Variants in INPP5A observed in about 807,000 individuals in gnomAD.
INPP5A encodes 43 kDa inositol polyphosphate 5-phophatase.
In INPP5A, 14 loss-of-function variants were observed where a neutral mutation model predicts 65.2. That is an observed-to-expected ratio of 0.21 (90% CI 0.14 to 0.34). INPP5A has a LOEUF of 0.34. Among genes scored for constraint, INPP5A ranks in the 10% least tolerant of loss-of-function variants. The pLI is 1.00. For synonymous variants in INPP5A, 207 were observed against 208.3 expected, an observed-to-expected ratio of 0.99 and a Z score of 0.05; for missense variants, 431 against 545.6, an observed-to-expected ratio of 0.79 and a Z score of 2.09.
At position 132,650,333 on chromosome 10, in the gene INPP5A, A is replaced by T; in HGVS notation, c.219-85A>T. The T allele has an allele frequency of 1.2e-6, 1 of 865,334 alleles. No individual in the cohort carries two copies. The highest frequency in any genetic ancestry group is 2.0e-6 in the Non-Finnish European group (1 of 507,664). 53.6% of individuals were successfully genotyped at this position (865,334 alleles called of 1,614,324 possible). ...TCACGGTGATGTACCTATGTGCTGG[A>T]GCCCCTCTTATACCTTGTGGTCATC... On this transcript the variant is annotated intron_variant, in intron 3 of 15. Coordinates refer to ENST00000368594, the MANE Select transcript of INPP5A (RefSeq NM_005539.5). The surrounding 1 kb of genome is among the most constrained non-coding windows in gnomAD (Gnocchi z 5.5).
At chr10:132,572,305 C>T (rs190938155) in intron 1 of INPP5A, among the ~76,000 whole-genome samples, 1 of 152,326 alleles carries the variant, frequency 6.6e-6, no homozygotes, top group African/African-American at 2.4e-5. Context: ...CAAGATGCCC[C>T]TGGTGGCAAG....
At position 132,537,788 on chromosome 10, in the gene INPP5A, C is replaced by T. The variant is rs1475219497; in HGVS notation, c.-309C>T. ...CCGGGCTCGGCTCCGCGGGGCGGGACTTGCCCTCAGCCTGAGTCGGCGGCG... is the reference window on the plus strand; with the variant it reads ...CCGGGCTCGGCTCCGCGGGGCGGGATTTGCCCTCAGCCTGAGTCGGCGGCG... On this transcript the variant is annotated 5_prime_UTR_variant, in exon 1 of 16. Transcript: ENST00000368594. 8.2e-6 allele frequency: 3 copies of T among 365,562 alleles called. No homozygotes were observed. The highest frequency in any genetic ancestry group is 4.7e-5 in the Admixed American group (1 of 21,486). The allele number at this position is 365,562 out of a possible 1,614,324, so 22.6% of individuals were successfully genotyped here.
Position 132,704,026 on chromosome 10 carries a change from T to G in INPP5A, c.475-4287T>G. ...ACGGCTTCACCCCCCCACACACGCG[T>G]GGCTTCACCCCCACACACACGCAGC... On this transcript the variant is annotated intron_variant, in intron 6 of 15. Transcript: ENST00000368594. The surrounding 1 kb of genome is among the most constrained non-coding windows in gnomAD (Gnocchi z 4.5). 8.6e-6 allele frequency among the ~76,000 whole-genome samples: 1 copy of G among 115,764 alleles called. No individual in the cohort carries two copies. The allele number at this position is 115,764 out of a possible 152,430, so 75.9% of individuals were successfully genotyped here. A position where few individuals can be genotyped will look rare whatever the true frequency, so the allele number is the denominator to read the frequency against.
chr10:132,715,590 G>A (rs1001711404), intron 8 of INPP5A, among the ~76,000 whole-genome samples: 2 of 152,206 alleles, frequency 1.3e-5, no homozygotes, highest in Non-Finnish European at 2.9e-5. Flanking sequence ...GCTGTCAGCC[G>A]CTCAAAGAGC....
chr10:132,579,481 G>A (rs1373509866), intron 1 of INPP5A, among the ~76,000 whole-genome samples: 2 of 152,272 alleles, frequency 1.3e-5, no homozygotes, highest in African/African-American at 2.4e-5. Context: ...AGAGGGGGCC[G>A]GAGCCAAGGA....
chr10:132,735,555 C>T (rs1179756230), intron 9 of INPP5A, among the ~76,000 whole-genome samples: 1 of 152,242 alleles, frequency 6.6e-6, no homozygotes, highest in Non-Finnish European at 1.5e-5. Context: ...TTTGGTTTCA[C>T]TGCTGAGCTC....
intron 9 of INPP5A, among the ~76,000 whole-genome samples, chr10:132,734,420 A>G (rs560049191): frequency 6.6e-6 from 1 of 152,324 alleles, no homozygotes; most frequent in East Asian, 1.9e-4. Flanking sequence ...GCTGGGAAGT[A>G]TCAGGAGGAA....
chr10:132,678,772 A>G lies in INPP5A; in HGVS notation c.307-11620A>G, dbSNP rs2073004617. The stretch of plus-strand genomic sequence containing the variant: ...CTGGAATATGCAGCACCTTGAAGGA[A>G]AGGCTGGGGACTGGGACTGCCAAGC... On this transcript the variant is annotated intron_variant, in intron 4 of 15. Transcript: ENST00000368594. The surrounding 1 kb of genome is among the most constrained non-coding windows in gnomAD (Gnocchi z 4.1). Among the ~76,000 whole-genome samples, 1 of 152,228 alleles carries G rather than the reference A, an allele frequency of 6.6e-6. No individual in the cohort carries two copies. Among genetic ancestry groups the G allele is most frequent in the Non-Finnish European group, 1.5e-5 (1 of 68,042 alleles).
At chr10:132,539,719 G>A (rs1364486763) in intron 1 of INPP5A, among the ~76,000 whole-genome samples, 1 of 150,736 alleles carries the variant, frequency 6.6e-6, no homozygotes, top group East Asian at 1.9e-4. Flanking sequence ...GTGAACAGTG[G>A]GGCACCGCAC....
chr10:132,693,343 A>G (rs1318668858), intron 5 of INPP5A, among the ~76,000 whole-genome samples: 1 of 152,204 alleles, frequency 6.6e-6, no homozygotes, highest in Non-Finnish European at 1.5e-5. Context: ...TTTAAATGTG[A>G]ATGGTCTAAA....
rs538156567 is a variant in INPP5A at position 132,578,106 on chromosome 10, C to T, written c.76-29809C>T. On this transcript the variant is annotated intron_variant, in intron 1 of 15. Transcript: ENST00000368594. ...AAGTAAACCAGGATTCTAAAATTAA[C>T]GTGTGAGGGGAAGTTATTTCACCAT... Among the ~76,000 whole-genome samples the T allele has an allele frequency of 1.5e-4, 23 of 152,312 alleles. No individual in the cohort carries two copies. In the East Asian group the frequency reaches 3.3e-3, roughly 22 times the overall value.
At chr10:132,629,324 C>T (rs997295753) in intron 2 of INPP5A, among the ~76,000 whole-genome samples, 3 of 152,230 alleles carry the variant, frequency 2.0e-5, no homozygotes, top group Non-Finnish European at 4.4e-5. Context: ...TAGGGCAGTG[C>T]GCTGCCCGCC....
intron 6 of INPP5A, among the ~76,000 whole-genome samples, chr10:132,701,080 C>G (rs749711692): frequency 4.6e-5 from 7 of 152,164 alleles, no homozygotes; most frequent in Non-Finnish European, 8.8e-5. Flanking sequence ...GGGCCTTCGG[C>G]GTGAGGGTTG....
chr10:132,613,924 A>G (rs1205072391), intron 2 of INPP5A, among the ~76,000 whole-genome samples: 1 of 152,220 alleles, frequency 6.6e-6, no homozygotes, highest in East Asian at 1.9e-4. Flanking sequence ...ATTTTTCAAA[A>G]TAGCCTTGAA....
At chr10:132,672,736 A>G (rs2133440568) in intron 4 of INPP5A, among the ~76,000 whole-genome samples, 1 of 152,338 alleles carries the variant, frequency 6.6e-6, no homozygotes, top group Non-Finnish European at 1.5e-5. Context: ...TCATCTCTTC[A>G]AAAACGACTT....
intron 5 of INPP5A, among the ~76,000 whole-genome samples, chr10:132,692,639 A>G (rs1421170440): frequency 6.6e-6 from 1 of 152,244 alleles, no homozygotes; most frequent in African/African-American, 2.4e-5. Flanking sequence ...TGCAAGAAGG[A>G]AGAGAGTAGT....
chr10:132,695,971 G>T (rs1352253331), intron 5 of INPP5A, among the ~76,000 whole-genome samples: 1 of 152,184 alleles, frequency 6.6e-6, no homozygotes, highest in Non-Finnish European at 1.5e-5. Context: ...AAGAGGCGGG[G>T]CCTTGGGAGG....
intron 1 of INPP5A, among the ~76,000 whole-genome samples, chr10:132,586,872 C>T (rs990672865): frequency 3.3e-5 from 5 of 152,184 alleles, no homozygotes; most frequent in Admixed American, 1.3e-4. Flanking sequence ...CGTCAGAAGG[C>T]GGCGCAGCGC....
intron 1 of INPP5A, among the ~76,000 whole-genome samples, chr10:132,604,274 G>C (rs1209241598): frequency 6.8e-6 from 1 of 146,784 alleles, no homozygotes. Flanking sequence ...GTGCCGTCAG[G>C]GTCCCCTCTC....
Sources: gnomAD v4.1 joint callset for allele counts (sites outside exome capture counted in the v4.1 genomes callset) on GRCh38, gnomAD v4.1.1 for gene constraint, Gnocchi (gnomAD v3.1) non-coding constraint, MANE v1.5 for transcripts, NCBI Gene and HGNC (gene_info 2026-07-23, HGNC 2026-07-21) for gene names.